The following XYLT1 variants were observed in gnomAD, a reference collection of about 807,000 sequenced individuals.
The protein encoded by XYLT1 is beta-D-xylosyltransferase 1.
In XYLT1, 36 loss-of-function variants were observed where a neutral mutation model predicts 91.3. The ratio of observed to expected loss-of-function variants is 0.39; its 90% CI spans 0.30 to 0.52. The LOEUF is 0.52. Ranked by LOEUF, XYLT1 falls within the 20% of genes least tolerant of loss-of-function variation. The pLI is 0.68. For synonymous variants in XYLT1, 588 were observed against 532.0 expected (o/e 1.11, Z -1.45); for missense variants, 1,242 against 1,284.5 (o/e 0.97, Z 0.51).
chr16:17,275,050 G>A (rs528830521), intron 2 of XYLT1, among the ~76,000 whole-genome samples: 69 of 152,090 alleles, frequency 4.5e-4, no homozygotes, highest in African/African-American at 1.2e-3. Flanking sequence ...GGTGGTGTGC[G>A]CCTGTAATAC....
At chr16:17,295,344 TTTG>T (rs1341030863) in intron 2 of XYLT1, among the ~76,000 whole-genome samples, 40 of 150,886 alleles carry the variant, frequency 2.7e-4, no homozygotes, top group Middle Eastern at 3.2e-3. Context: ...TTTGTTTTGT[TTTG>T]TTTTGTTTTG....
intron 2 of XYLT1, among the ~76,000 whole-genome samples, chr16:17,341,855 G>A (rs902736017): frequency 9.9e-5 from 15 of 152,150 alleles, no homozygotes; most frequent in African/African-American, 3.4e-4. Flanking sequence ...TGTACACGGA[G>A]TAGGTATAAA....
chr16:17,167,541 C>T (rs111833292), intron 5 of XYLT1, among the ~76,000 whole-genome samples: 3,318 of 111,906 alleles, frequency 0.03, 60 homozygotes, highest in South Asian at 0.11. Context: ...ATCTCGTGAA[C>T]GGATTCTAAC....
chr16:17,338,420 GA>G (rs2141844756), intron 2 of XYLT1: 1 of 456,552 alleles, frequency 2.2e-6, no homozygotes, highest in Admixed American at 2.3e-5. Flanking sequence ...TGACACTTTG[GA>G]AAAGGCTGCA....
chr16:17,362,280 C>T (rs961189980), intron 1 of XYLT1, among the ~76,000 whole-genome samples: 1 of 151,896 alleles, frequency 6.6e-6, no homozygotes, highest in Non-Finnish European at 1.5e-5. Context: ...AAAAAGGTAG[C>T]GGACATGGTT....
chr16:17,103,060 A>G lies in XYLT1; in HGVS notation c.*5635T>C, dbSNP rs1017799576. On this transcript the variant is annotated 3_prime_UTR_variant, in exon 12 of 12. Coordinates refer to ENST00000261381, the MANE Select transcript of XYLT1 (RefSeq NM_022166.4). Reference sequence around the variant, plus strand: ...CTTTGGCCTCCATCAGCACTGGAGCAATGGAAGGGTAAAGAATAGAGTCTG... The same window carrying G: ...CTTTGGCCTCCATCAGCACTGGAGCGATGGAAGGGTAAAGAATAGAGTCTG... 1 of 152,642 alleles carries G rather than the reference A, an allele frequency of 6.6e-6. No homozygotes were observed. The highest frequency in any genetic ancestry group is 6.5e-5 in the Admixed American group (1 of 15,286). The allele number at this position is 152,642 out of a possible 1,614,324, so 9.5% of individuals were successfully genotyped here. A position where few individuals can be genotyped will look rare whatever the true frequency, so the allele number is the denominator to read the frequency against.
chr16:17,414,560 T>C (rs945089656), intron 1 of XYLT1, among the ~76,000 whole-genome samples: 9 of 152,196 alleles, frequency 5.9e-5, no homozygotes, highest in Admixed American at 1.3e-4. Flanking sequence ...TGAGTCTCCT[T>C]GTAAGCGCCT....
chr16:17,148,770 CA>C (rs1160348504), intron 6 of XYLT1, among the ~76,000 whole-genome samples: 1 of 152,126 alleles, frequency 6.6e-6, no homozygotes, highest in Non-Finnish European at 1.5e-5. Context: ...ATAGTCCCAC[CA>C]AAAAGATAGA....
At chr16:17,212,317 A>G (rs1028436957) in intron 3 of XYLT1, among the ~76,000 whole-genome samples, 1 of 152,132 alleles carries the variant, frequency 6.6e-6, no homozygotes, top group Non-Finnish European at 1.5e-5. Flanking sequence ...TTAGAAAAAC[A>G]TCTTCATGCC....
intron 2 of XYLT1, among the ~76,000 whole-genome samples, chr16:17,325,841 G>A (rs2034792882): frequency 6.6e-6 from 1 of 152,162 alleles, no homozygotes; most frequent in African/African-American, 2.4e-5. Flanking sequence ...AGTATTAACT[G>A]TTAGATGATT....
At chr16:17,180,687 T>C (rs1423992817) in intron 5 of XYLT1, among the ~76,000 whole-genome samples, 1 of 152,170 alleles carries the variant, frequency 6.6e-6, no homozygotes, top group East Asian at 1.9e-4. Context: ...CCAAATGGCC[T>C]TCCCCTTCCC....
intron 3 of XYLT1, among the ~76,000 whole-genome samples, chr16:17,236,056 G>A (rs1218960038): frequency 6.6e-6 from 1 of 151,992 alleles, no homozygotes; most frequent in East Asian, 1.9e-4. Context: ...TAGTAGAGAC[G>A]GGGTTTCACC....
At chr16:17,171,959 C>G (rs2031829523) in intron 5 of XYLT1, among the ~76,000 whole-genome samples, 1 of 152,200 alleles carries the variant, frequency 6.6e-6, no homozygotes, top group Admixed American at 6.5e-5. Flanking sequence ...CTGAGCTCTG[C>G]CCTCACTAAC....
At chr16:17,359,104 C>T (rs2035346584) in intron 1 of XYLT1, among the ~76,000 whole-genome samples, 1 of 152,004 alleles carries the variant, frequency 6.6e-6, no homozygotes, top group Non-Finnish European at 1.5e-5. Context: ...AACAGGAAAC[C>T]CAGCACATGA....
chr16:17,292,857 C>T (rs146654384), intron 2 of XYLT1, among the ~76,000 whole-genome samples: 7 of 152,298 alleles, frequency 4.6e-5, no homozygotes, highest in African/African-American at 1.2e-4. Flanking sequence ...CCCAGTCCCA[C>T]GGTCAGGGAT....
chr16:17,358,130 C>CTT lies in XYLT1; in HGVS notation c.364-82_364-81dup, dbSNP rs573822407. 6.5e-3 allele frequency: 7,210 copies of CTT among 1,110,762 alleles called. 1 individual carries two copies. The highest frequency in any genetic ancestry group is 0.012 in the African/African-American group (703 of 58,064). The allele number at this position is 1,110,762 out of a possible 1,614,324, so 68.8% of individuals were successfully genotyped here. ...ACCCCAGCATCTTTTTCTTTCTTTC[C>CTT]TTTTTTTTTTTTTTTAAGAGACAGG... On this transcript the variant is annotated intron_variant, in intron 1 of 11. Coordinates refer to ENST00000261381, the MANE Select transcript of XYLT1 (RefSeq NM_022166.4).
chr16:17,131,193 T>C (rs527486124), intron 9 of XYLT1, among the ~76,000 whole-genome samples: 1 of 148,652 alleles, frequency 6.7e-6, no homozygotes, highest in East Asian at 2.0e-4. Context: ...CTCTTGAACC[T>C]CAAGTTACAT....
Position 17,134,457 on chromosome 16 carries a change from C to T in XYLT1, c.2027+16G>A. The T allele has an allele frequency of 6.2e-7, 1 of 1,613,292 alleles. No individual in the cohort carries two copies. The highest frequency in any genetic ancestry group is 1.3e-5 in the African/African-American group (1 of 75,042). ...TGCTTCTCAGCTCTCCTCTCTGCATCCCATATAGGGCTCACCGGCAGCTGT... is the reference window on the plus strand; with the variant it reads ...TGCTTCTCAGCTCTCCTCTCTGCATTCCATATAGGGCTCACCGGCAGCTGT... On this transcript the variant is annotated intron_variant, in intron 9 of 11. Transcript: ENST00000261381.
intron 1 of XYLT1, among the ~76,000 whole-genome samples, chr16:17,444,400 A>ATC (rs1477718581): frequency 6.6e-6 from 1 of 152,010 alleles, no homozygotes; most frequent in African/African-American, 2.4e-5. Flanking sequence ...TGCAATGGTG[A>ATC]TCACAGCTCA....
Sources: allele counts gnomAD v4.1 joint callset (sites outside exome capture counted in the v4.1 genomes callset), GRCh38; gene constraint gnomAD v4.1.1; transcripts MANE v1.5; gene names NCBI Gene and HGNC (gene_info 2026-07-23, HGNC 2026-07-21).